The following NLRP7 variants were observed in gnomAD, a reference collection of about 807,000 sequenced individuals.
NLRP7 encodes the protein NLR family pyrin domain containing 7, also known as NACHT, LRR and PYD domains-containing protein 7.
A neutral mutation model predicts 85.5 loss-of-function variants in NLRP7; 72 were observed. The ratio of observed to expected loss-of-function variants is 0.84; its 90% CI spans 0.70 to 1.02. The LOEUF (loss-of-function observed/expected upper bound fraction) is 1.02. Among genes scored for constraint, NLRP7 ranks in the 50% least tolerant of loss-of-function variants. The pLI is 0.00. For synonymous variants in NLRP7, 550 were observed against 505.2 expected (o/e 1.09, Z -1.19); for missense variants, 1,243 against 1,219.5 (o/e 1.02, Z -0.29).
exon 4 of NLRP7, chr19:54,939,349 C>T (rs1273394905): frequency 8.1e-6 from 13 of 1,614,146 alleles, no homozygotes; most frequent in Non-Finnish European, 1.1e-5. Flanking sequence ...CGTGGCCGTC[C>T]CTGTCCTCCC....
chr19:54,944,994 CTA>C (rs1297017624), intron 1 of NLRP7, among the ~76,000 whole-genome samples: 2 of 152,022 alleles, frequency 1.3e-5, no homozygotes, highest in East Asian at 3.9e-4. Flanking sequence ...AATCCCAGCA[CTA>C]TGGGAGGCCG....
At chr19:54,953,833 T>C (rs1195680564) in intron 1 of NLRP7, among the ~76,000 whole-genome samples, 1 of 147,786 alleles carries the variant, frequency 6.8e-6, no homozygotes, top group Non-Finnish European at 1.5e-5. Context: ...AAACCATCTC[T>C]ACTAAAAAAA....
chr19:54,949,862 G>A (rs989175254), upstream of NLRP7, among the ~76,000 whole-genome samples: 4 of 152,270 alleles, frequency 2.6e-5, no homozygotes, highest in African/African-American at 7.2e-5. Context: ...CAACGCTTTG[G>A]GAGGCCTAGA....
intron 9 of NLRP7, among the ~76,000 whole-genome samples, chr19:54,924,115 G>A (rs2068335567): frequency 6.6e-6 from 1 of 152,050 alleles, no homozygotes; most frequent in Non-Finnish European, 1.5e-5. Flanking sequence ...TTACAGGTGT[G>A]CACCACCACG....
chr19:54,952,361 G>A (rs2146268015), upstream of NLRP7, among the ~76,000 whole-genome samples: 1 of 152,162 alleles, frequency 6.6e-6, no homozygotes, highest in Middle Eastern at 3.4e-3. Context: ...GGGAGGCCAA[G>A]GCAGGTGAAT....
At chr19:54,952,229 G>C (rs2069691704), upstream of NLRP7, among the ~76,000 whole-genome samples, 2 of 151,372 alleles carry the variant, frequency 1.3e-5, no homozygotes, top group South Asian at 4.2e-4. Context: ...TGAGAACACT[G>C]CGTCTTCATG....
intron 9 of NLRP7, among the ~76,000 whole-genome samples, chr19:54,925,151 C>T (rs532217606): frequency 6.6e-6 from 1 of 152,110 alleles, no homozygotes; most frequent in Non-Finnish European, 1.5e-5. Flanking sequence ...AACAATCCTC[C>T]CACCTTGGCC....
chr19:54,938,318 T>A, intron 4 of NLRP7, 77 bp from the exon 5 acceptor site: 1 of 1,184,710 alleles, frequency 8.4e-7, no homozygotes, highest in Non-Finnish European at 1.3e-6. Flanking sequence ...CACATTTCAA[T>A]GGCAAAAACC....
chr19:54,925,192 G>A (rs896819662), intron 9 of NLRP7, among the ~76,000 whole-genome samples: 1 of 152,050 alleles, frequency 6.6e-6, no homozygotes, highest in African/African-American at 2.4e-5. Flanking sequence ...AATGAGAAAA[G>A]AAATACGCCC....
At chr19:54,940,039 G>C in exon 4 of NLRP7, 1 of 1,614,166 alleles carries the variant, frequency 6.2e-7, no homozygotes, top group Non-Finnish European at 8.5e-7. Flanking sequence ...CCCCAGGTGG[G>C]ACTTTCAGCT....
At chr19:54,935,387 T>A (rs554962862) in intron 6 of NLRP7, among the ~76,000 whole-genome samples, 2 of 152,086 alleles carry the variant, frequency 1.3e-5, no homozygotes, top group Admixed American at 1.3e-4. Flanking sequence ...AATTGATGCT[T>A]AATACTCAAA....
chr19:54,954,252 G>T (rs2069774324), intron 1 of NLRP7, among the ~76,000 whole-genome samples: 1 of 148,566 alleles, frequency 6.7e-6, no homozygotes, highest in Non-Finnish European at 1.5e-5. Context: ...AACCGGCCGG[G>T]CGCGGTGGTC....
At chr19:54,954,298 G>A (rs909497159) in intron 1 of NLRP7, among the ~76,000 whole-genome samples, 1 of 147,878 alleles carries the variant, frequency 6.8e-6, no homozygotes, top group Admixed American at 6.8e-5. Context: ...AGGCCGAGGC[G>A]GGTGGATCAT....
In NLRP7 at chr19:54,962,120, G is replaced by A. The variant is rs1394475605; in HGVS notation, c.-77+3920C>T. Among the ~76,000 whole-genome samples the A allele has an allele frequency of 1.3e-4, 18 of 135,456 alleles. No homozygotes were observed. In the Admixed American group the frequency reaches 1.3e-3, roughly 10 times the overall value. The allele number at this position is 135,456 out of a possible 152,430, so 88.9% of individuals were successfully genotyped here. Reference sequence around the variant, plus strand: ...AGAGGTTGCAGTGAGCTGAGATCGCGCCATTGCACTCCAGCCTGGGCGACA... The same window carrying A: ...AGAGGTTGCAGTGAGCTGAGATCGCACCATTGCACTCCAGCCTGGGCGACA... On this transcript the variant is annotated intron_variant, in intron 1 of 2. Transcript: ENST00000587103.
At chr19:54,947,480 C>T (rs955828017) in exon 1 of NLRP7, 120 of 1,289,628 alleles carry the variant, frequency 9.3e-5, no homozygotes, top group Non-Finnish European at 1.1e-4. Flanking sequence ...TCCCTCAGGT[C>T]AGGTCTTGCT....
intron 9 of NLRP7, among the ~76,000 whole-genome samples, chr19:54,928,940 T>G (rs1437378616): frequency 6.6e-6 from 1 of 151,914 alleles, no homozygotes; most frequent in Non-Finnish European, 1.5e-5. Flanking sequence ...GAATCTAGGA[T>G]TACAGTCATA....
exon 4 of NLRP7, chr19:54,938,928 C>T: frequency 6.2e-7 from 1 of 1,614,172 alleles, no homozygotes; most frequent in Non-Finnish European, 8.5e-7. Flanking sequence ...ATGTAATTCT[C>T]CAGGAACACC....
intron 1 of NLRP7, among the ~76,000 whole-genome samples, chr19:54,942,019 C>T (rs1252023057): frequency 1.3e-5 from 2 of 151,758 alleles, no homozygotes; most frequent in Non-Finnish European, 2.9e-5. Flanking sequence ...TTTGGGAGGC[C>T]GAGGCGGATG....
chr19:54,943,794 A>T (rs1024853027), intron 1 of NLRP7, among the ~76,000 whole-genome samples: 5 of 152,286 alleles, frequency 3.3e-5, no homozygotes, highest in East Asian at 1.9e-4. Flanking sequence ...AGAAATAGAC[A>T]TAAGAGACTC....
Sources: gnomAD v4.1 joint callset for allele counts (sites outside exome capture counted in the v4.1 genomes callset) on GRCh38, gnomAD v4.1.1 for gene constraint, MANE v1.5 for transcripts, NCBI Gene and HGNC (gene_info 2026-07-23, HGNC 2026-07-21) for gene names.